CNTNAP2: variants seen among roughly 807,000 people sequenced by gnomAD.
The protein encoded by CNTNAP2 is contactin associated protein 2.
CNTNAP2 carries 98 observed loss-of-function variants against 155.2 expected under a neutral mutation model. That is an observed-to-expected ratio of 0.63 (90% CI 0.54 to 0.75). The LOEUF (loss-of-function observed/expected upper bound fraction) is 0.75, where lower values mean the gene tolerates loss of function less well. Ranked by LOEUF, CNTNAP2 falls within the 30% of genes least tolerant of loss-of-function variation. CNTNAP2 has a pLI of 0.00. For synonymous variants in CNTNAP2, 651 were observed against 631.2 expected, an observed-to-expected ratio of 1.03 and a Z score of -0.47; for missense variants, 1,727 against 1,688.1, an observed-to-expected ratio of 1.02 and a Z score of -0.40.
intron 15 of CNTNAP2, among the ~76,000 whole-genome samples, chr7:148,069,519 T>C (rs951555518): frequency 6.6e-6 from 1 of 151,874 alleles, no homozygotes; most frequent in African/African-American, 2.4e-5. Flanking sequence ...TTCCAGCACT[T>C]TGGGAGGCCG....
intron 17 of CNTNAP2, among the ~76,000 whole-genome samples, chr7:148,150,378 C>T (rs1037972774): frequency 2.0e-5 from 3 of 152,056 alleles, no homozygotes; most frequent in African/African-American, 7.2e-5. Flanking sequence ...GAAACCCCAT[C>T]TCTACTAAAA....
chr7:148,154,694 T>C (rs1031240641), intron 17 of CNTNAP2, among the ~76,000 whole-genome samples: 6 of 152,180 alleles, frequency 3.9e-5, no homozygotes, highest in African/African-American at 1.4e-4. Flanking sequence ...TTCAGCACTT[T>C]GGAATGCTAA....
intron 22 of CNTNAP2, among the ~76,000 whole-genome samples, chr7:148,399,522 A>G (rs1252508655): frequency 6.6e-6 from 1 of 152,188 alleles, no homozygotes; most frequent in Non-Finnish European, 1.5e-5. Flanking sequence ...TTCCTCCCTG[A>G]TAAACTTGCT....
chr7:147,268,663 G>T (rs886649063), intron 8 of CNTNAP2, among the ~76,000 whole-genome samples: 1 of 151,696 alleles, frequency 6.6e-6, no homozygotes, highest in African/African-American at 2.4e-5. Context: ...GCATTATAAT[G>T]ATAATAAAAA....
At chr7:148,189,495 T>C (rs533530857) in intron 18 of CNTNAP2, among the ~76,000 whole-genome samples, 3 of 152,244 alleles carry the variant, frequency 2.0e-5, no homozygotes, top group African/African-American at 7.2e-5. Flanking sequence ...TTCATGAAGG[T>C]GGAACCCTCT....
intron 9 of CNTNAP2, among the ~76,000 whole-genome samples, chr7:147,335,934 A>G (rs1795656830): frequency 1.3e-5 from 2 of 152,322 alleles, no homozygotes; most frequent in South Asian, 4.1e-4. Flanking sequence ...GGAAATAAAG[A>G]ACAAACAGCA....
chr7:148,153,020 CAAAAAAAAA>C (rs373499312), intron 17 of CNTNAP2, among the ~76,000 whole-genome samples: 8 of 22,680 alleles, frequency 3.5e-4, no homozygotes, highest in African/African-American at 5.1e-4. Context: ...GACTCCGTCT[CAAAAAAAAA>C]AAAAAAAAAA....
intron 21 of CNTNAP2, among the ~76,000 whole-genome samples, chr7:148,352,461 C>G (rs1585299004): frequency 6.6e-6 from 1 of 152,202 alleles, no homozygotes; most frequent in South Asian, 2.1e-4. Flanking sequence ...ACTGGATGAG[C>G]AGGTTTAAGG....
intron 1 of CNTNAP2, among the ~76,000 whole-genome samples, chr7:146,600,702 T>C (rs978356205): frequency 6.6e-6 from 1 of 152,152 alleles, no homozygotes; most frequent in African/African-American, 2.4e-5. Context: ...AATATAATTT[T>C]TACTTATCCT....
chr7:146,442,726 A>G (rs1381283061), intron 1 of CNTNAP2, among the ~76,000 whole-genome samples: 1 of 152,156 alleles, frequency 6.6e-6, no homozygotes, highest in Admixed American at 6.5e-5. Flanking sequence ...AGCCCTGCAC[A>G]GCACACCTAG....
chr7:147,611,368 C>A (rs1317003958), intron 12 of CNTNAP2, among the ~76,000 whole-genome samples: 1 of 152,094 alleles, frequency 6.6e-6, no homozygotes, highest in Admixed American at 6.5e-5. Flanking sequence ...ACATCCCTAC[C>A]CAGTGTGAGT....
At chr7:146,761,965 A>G (rs1168342932) in intron 1 of CNTNAP2, among the ~76,000 whole-genome samples, 3 of 152,186 alleles carry the variant, frequency 2.0e-5, no homozygotes, top group Non-Finnish European at 1.5e-5. Context: ...AATATATTTA[A>G]GAAAGATATA....
chr7:146,851,088 G>A (rs907023369), intron 3 of CNTNAP2, among the ~76,000 whole-genome samples: 16 of 152,106 alleles, frequency 1.1e-4, no homozygotes, highest in Non-Finnish European at 4.4e-5. Flanking sequence ...AAGTTCAAGC[G>A]ATTCTCCTGC....
At chr7:147,582,932 C>T (rs1179893041) in intron 12 of CNTNAP2, among the ~76,000 whole-genome samples, 1 of 152,098 alleles carries the variant, frequency 6.6e-6, no homozygotes, top group Non-Finnish European at 1.5e-5. Flanking sequence ...ATTGTGATAT[C>T]GTTTTTGTTA....
At chr7:146,781,589 C>T (rs974923612) in intron 2 of CNTNAP2, among the ~76,000 whole-genome samples, 11 of 152,146 alleles carry the variant, frequency 7.2e-5, no homozygotes, top group African/African-American at 2.2e-4. Flanking sequence ...TGTCCCCCTC[C>T]GGAAACGCGC....
chr7:147,024,809 C>T (rs983230627), intron 3 of CNTNAP2, among the ~76,000 whole-genome samples: 2 of 152,098 alleles, frequency 1.3e-5, no homozygotes, highest in Non-Finnish European at 2.9e-5. Context: ...AGCATCTGCT[C>T]AGTTTCTGGA....
chr7:147,978,853 G>T lies in CNTNAP2; in HGVS notation c.2383+864G>T, dbSNP rs578210232. On this transcript the variant is annotated intron_variant, in intron 15 of 23. Transcript: ENST00000361727. ...TCCCCAAATAGCTGACTTGCCAGGA[G>T]ACCTCAGGCAAACCCCTCCATTGTC... is the stretch of plus-strand genomic sequence containing the variant. Among the ~76,000 whole-genome samples the T allele has an allele frequency of 2.0e-5, 3 of 152,228 alleles. No individual in the cohort carries two copies. The East Asian group carries it at 5.8e-4, about 29-fold the overall frequency.
At chr7:147,394,023 G>T (rs545915264) in intron 9 of CNTNAP2, among the ~76,000 whole-genome samples, 2 of 151,962 alleles carry the variant, frequency 1.3e-5, no homozygotes, top group African/African-American at 4.8e-5. Context: ...GTATGGTTTG[G>T]CTGTGTCTCC....
intron 1 of CNTNAP2, among the ~76,000 whole-genome samples, chr7:146,439,045 T>C (rs1796282863): frequency 6.6e-6 from 1 of 151,234 alleles, no homozygotes; most frequent in Non-Finnish European, 1.5e-5. Flanking sequence ...AGGATTTCAT[T>C]ATATCACTTT....
Sources: allele counts gnomAD v4.1 joint callset (sites outside exome capture counted in the v4.1 genomes callset), GRCh38; gene constraint gnomAD v4.1.1; transcripts MANE v1.5; gene names NCBI Gene and HGNC (gene_info 2026-07-23, HGNC 2026-07-21).